Variants in TSHZ3 observed in about 807,000 individuals in gnomAD.
TSHZ3 encodes the protein teashirt zinc finger homeobox 3, also known as teashirt homolog 3.
Under a neutral mutation model 64.5 loss-of-function variants are expected in TSHZ3, and 10 were observed. The ratio of observed to expected loss-of-function variants is 0.16; its 90% CI spans 0.10 to 0.26. TSHZ3 has a LOEUF of 0.26. Among genes scored for constraint, TSHZ3 ranks in the 10% least tolerant of loss-of-function variants. The pLI, the probability that TSHZ3 is intolerant of heterozygous loss-of-function variation, is 1.00. For synonymous variants in TSHZ3, 608 were observed against 593.1 expected, an observed-to-expected ratio of 1.03 and a Z score of -0.36; for missense variants, 1,242 against 1,421.7, an observed-to-expected ratio of 0.87 and a Z score of 2.03.
At chr19:31,222,821 A>G (rs978789315) in intron 4 of TSHZ3, among the ~76,000 whole-genome samples, 12 of 152,216 alleles carry the variant, frequency 7.9e-5, no homozygotes, top group African/African-American at 2.9e-4. Flanking sequence ...ATTTTGCCAT[A>G]TAAACATGAC....
At chr19:31,256,121 C>T (rs1292949608) in intron 1 of TSHZ3, among the ~76,000 whole-genome samples, 1 of 152,150 alleles carries the variant, frequency 6.6e-6, no homozygotes, top group African/African-American at 2.4e-5. Context: ...CTCACTTTCT[C>T]CCCTTCTGTG....
chr19:31,226,692 C>A (rs1975467106), intron 4 of TSHZ3, among the ~76,000 whole-genome samples: 1 of 152,126 alleles, frequency 6.6e-6, no homozygotes. Context: ...AACATCTCTA[C>A]TTGAACACCC....
chr19:31,225,895 G>A (rs1459105203), intron 4 of TSHZ3, among the ~76,000 whole-genome samples: 1 of 152,164 alleles, frequency 6.6e-6, no homozygotes, highest in African/African-American at 2.4e-5. Flanking sequence ...GGGAAGCCAA[G>A]GTAGGTGGAT....
chr19:31,279,847 G>C lies in TSHZ3; in HGVS notation c.41-95C>G, dbSNP rs183313991. 2.5e-3 allele frequency: 2,885 copies of C among 1,144,070 alleles called. 49 individuals are homozygous for C. Among genetic ancestry groups the C allele is most frequent in the Non-Finnish European group, 7.8e-4 (666 of 854,092 alleles). The allele number at this position is 1,144,070 out of a possible 1,614,324, so 70.9% of individuals were successfully genotyped here. ...AAGAAAAAAAAAAGCATTAGTACTT[G>C]TTGATCTTACCTAGAATATGTTCTG... On this transcript the variant is annotated intron_variant, in intron 1 of 1. Transcript: ENST00000240587. This position sits in a 1 kb window ranked among gnomAD's most constrained non-coding sequence, Gnocchi z 6.4.
chr19:31,244,337 A>G (rs912757740), intron 1 of TSHZ3, among the ~76,000 whole-genome samples: 2 of 152,148 alleles, frequency 1.3e-5, no homozygotes, highest in Admixed American at 6.5e-5. Flanking sequence ...CATGTAAGAC[A>G]TGCTGGCTTC....
intron 1 of TSHZ3, among the ~76,000 whole-genome samples, chr19:31,249,176 G>T (rs917365349): frequency 6.6e-6 from 1 of 152,110 alleles, no homozygotes; most frequent in Admixed American, 6.6e-5. Flanking sequence ...TCAGTGTCCC[G>T]TTGGGTTGCA....
At chr19:31,231,321 T>TA (rs1975536460) in intron 3 of TSHZ3, among the ~76,000 whole-genome samples, 2 of 152,126 alleles carry the variant, frequency 1.3e-5, no homozygotes, top group Non-Finnish European at 2.9e-5. Flanking sequence ...ATTACAAACA[T>TA]ACCTGAGTCT....
exon 5 of TSHZ3, chr19:31,205,026 G>T (rs1341549006): frequency 1.3e-5 from 2 of 152,214 alleles, no homozygotes; most frequent in African/African-American, 4.8e-5. Flanking sequence ...TGGAACTTGG[G>T]GTCTTTCAAG....
chr19:31,226,125 T>TAA (rs113116968), intron 4 of TSHZ3, among the ~76,000 whole-genome samples: 1,810 of 134,622 alleles, frequency 0.013, 38 homozygotes, highest in African/African-American at 0.047. Flanking sequence ...GACTCCATCT[T>TAA]AAAAAAAAAA....
At chr19:31,165,400 CTCTTTTGCAAAATTT>C (rs1205597062) in intron 5 of TSHZ3, among the ~76,000 whole-genome samples, 3 of 152,110 alleles carry the variant, frequency 2.0e-5, no homozygotes, top group Non-Finnish European at 2.9e-5. Flanking sequence ...TGACATGAAC[CTCTTTTGCAAAATTT>C]TCTTTTGCAA....
chr19:31,199,655 T>G (rs1975047373), intron 5 of TSHZ3, among the ~76,000 whole-genome samples: 1 of 149,862 alleles, frequency 6.7e-6, no homozygotes, highest in Non-Finnish European at 1.5e-5. Flanking sequence ...ACCTAGGGTT[T>G]GATGGTAACC....
At chr19:31,338,570 C>CTT (rs918866513) in intron 1 of TSHZ3, among the ~76,000 whole-genome samples, 2 of 128,072 alleles carry the variant, frequency 1.6e-5, no homozygotes, top group African/African-American at 2.9e-5. Flanking sequence ...GTTGGTTTTT[C>CTT]TTTTTTTTTT....
chr19:31,289,456 G>A (rs1037241594), intron 1 of TSHZ3, among the ~76,000 whole-genome samples: 11 of 152,202 alleles, frequency 7.2e-5, no homozygotes, highest in African/African-American at 1.9e-4. Flanking sequence ...AAGGAAAGGA[G>A]GCAAGGAAGG....
In TSHZ3 at chr19:31,279,214, G is replaced by A. The variant is rs750561034; in HGVS notation, c.579C>T (p.Thr193=). Residue 193 remains threonine (T), a synonymous_variant, in exon 2 of 2, where the codon ACC becomes ACT. Transcript: ENST00000240587. This position sits in a 1 kb window ranked among gnomAD's most constrained non-coding sequence, Gnocchi z 6.4. ...TGCTGCTCTGCCGGTACAGCTGCACGGTGCTGAAGAGGCTGGGCTCCGGGA... is the reference window on the plus strand; with the variant it reads ...TGCTGCTCTGCCGGTACAGCTGCACAGTGCTGAAGAGGCTGGGCTCCGGGA... ...RMLPEPSLFS[T]VQLYRQSSKL... 5.0e-6 allele frequency: 8 copies of A among 1,614,008 alleles called. No homozygotes were observed. The highest frequency in any genetic ancestry group is 1.7e-5 in the Admixed American group (1 of 60,004).
At chr19:31,179,059 G>A (rs1400903224) in intron 5 of TSHZ3, among the ~76,000 whole-genome samples, 1 of 146,322 alleles carries the variant, frequency 6.8e-6, no homozygotes, top group Non-Finnish European at 1.5e-5. Flanking sequence ...GAGCATGATG[G>A]TTGAATGGTC....
intron 5 of TSHZ3, among the ~76,000 whole-genome samples, chr19:31,165,681 T>G (rs908641274): frequency 3.9e-5 from 6 of 152,130 alleles, no homozygotes; most frequent in Non-Finnish European, 8.8e-5. Flanking sequence ...TTGTAAACTC[T>G]GTGGGTGGGT....
At chr19:31,152,283 C>CGTGTGTGT (rs3064806) in intron 6 of TSHZ3, among the ~76,000 whole-genome samples, 1,737 of 147,374 alleles carry the variant, frequency 0.012, 26 homozygotes, top group East Asian at 0.065. Flanking sequence ...TATATGTGAG[C>CGTGTGTGT]GTGTGTGTGT....
Position 31,279,140 on chromosome 19 carries a change from T to A in TSHZ3, c.653A>T (p.Asp218Val), listed in dbSNP as rs748671737. Residue 218 changes from aspartate (D) to valine (V), a missense_variant, in exon 2 of 2, where the codon GAC (aspartate) becomes GTC (valine). By Grantham distance (152) the Asp-to-Val change is radical (BLOSUM62 -3). Transcript: ENST00000240587. The surrounding 1 kb of genome is among the most constrained non-coding windows in gnomAD (Gnocchi z 6.4). ...FTGASKFRCK[D>V]CSAAYDTLVE... The stretch of plus-strand genomic sequence containing the variant: ...CAGGGTGTCGTAGGCAGCGCTGCAG[T>A]CCTTACAGCGGAACTTGCTGGCCCC... The A allele has an allele frequency of 6.2e-7, 1 of 1,613,198 alleles. No individual in the cohort carries two copies. Among genetic ancestry groups the A allele is most frequent in the Non-Finnish European group, 8.5e-7 (1 of 1,179,382 alleles).
chr19:31,150,721 C>T (rs912113421), exon 7 of TSHZ3, among the ~76,000 whole-genome samples: 6 of 152,180 alleles, frequency 3.9e-5, no homozygotes, highest in African/African-American at 1.4e-4. Context: ...GGCTATTTAG[C>T]CACCTGGTTT....
Sources: gnomAD v4.1 joint callset for allele counts (sites outside exome capture counted in the v4.1 genomes callset) on GRCh38, gnomAD v4.1.1 for gene constraint, Gnocchi (gnomAD v3.1) non-coding constraint, MANE v1.5 for transcripts, NCBI Gene and HGNC (gene_info 2026-07-23, HGNC 2026-07-21) for gene names.